FALEC: variants seen among roughly 807,000 people sequenced by gnomAD.
The protein encoded by FALEC is focally amplified lncRNA regulator of ECM1, also known as focally amplified lncRNA on chromosome 1.
At chr1:150,529,157 C>G in the FALEC span, among the ~76,000 whole-genome samples, 1 of 151,630 alleles carries the variant, frequency 6.6e-6, no homozygotes, top group Non-Finnish European at 1.5e-5. Context: ...CTTAATGAAT[C>G]ATTAAAGAAG....
downstream of FALEC, among the ~76,000 whole-genome samples, chr1:150,520,811 G>C (rs1387061504): frequency 9.5e-5 from 1 of 10,554 alleles, no homozygotes; most frequent in Non-Finnish European, 2.0e-4. Flanking sequence ...TTTTTTTTTT[G>C]AGACAGGGTT....
chr1:150,522,922 T>C (rs957786886), downstream of FALEC, among the ~76,000 whole-genome samples: 2 of 100,212 alleles, frequency 2.0e-5, no homozygotes, highest in Non-Finnish European at 3.9e-5. Context: ...TACATATATA[T>C]ATACATATAT....
the FALEC span, among the ~76,000 whole-genome samples, chr1:150,527,895 G>T: frequency 6.6e-6 from 1 of 152,092 alleles, no homozygotes; most frequent in African/African-American, 2.4e-5. Context: ...GTTTTCATTG[G>T]TAGGAGGACT....
the FALEC span, among the ~76,000 whole-genome samples, chr1:150,528,046 A>G: frequency 1.3e-5 from 2 of 152,064 alleles, no homozygotes; most frequent in African/African-American, 4.8e-5. Flanking sequence ...GGTCTAAGTC[A>G]ATCATGGTAA....
downstream of FALEC, among the ~76,000 whole-genome samples, chr1:150,522,074 G>A (rs957458122): frequency 3.9e-5 from 6 of 151,974 alleles, no homozygotes; most frequent in South Asian, 2.1e-4. Flanking sequence ...GTGAAACCCC[G>A]TCTCTACTAA....
chr1:150,534,359 A>C, the FALEC span, among the ~76,000 whole-genome samples: 1 of 152,184 alleles, frequency 6.6e-6, no homozygotes, highest in Non-Finnish European at 1.5e-5. Flanking sequence ...AGCTCTTCTG[A>C]GCCCCGCACC....
At chr1:150,516,971 A>G (rs1395799579) in intron 1 of FALEC, among the ~76,000 whole-genome samples, 1 of 152,136 alleles carries the variant, frequency 6.6e-6, no homozygotes, top group Non-Finnish European at 1.5e-5. Flanking sequence ...GAGATCTTCC[A>G]GGAAGAGGAA....
At chr1:150,522,856 T>TACACAC (rs1670663072), downstream of FALEC, among the ~76,000 whole-genome samples, 4 of 116,852 alleles carry the variant, frequency 3.4e-5, no homozygotes, top group Admixed American at 1.8e-4. Context: ...TCTCTCTATA[T>TACACAC]ATATATATAC....
At chr1:150,518,924 C>T (rs1260491129), downstream of FALEC, among the ~76,000 whole-genome samples, 2 of 151,866 alleles carry the variant, frequency 1.3e-5, no homozygotes, top group Non-Finnish European at 2.9e-5. Flanking sequence ...GGTGTGGTGG[C>T]GTGCCTCTGT....
chr1:150,523,128 C>T, the FALEC span, among the ~76,000 whole-genome samples: 2 of 144,020 alleles, frequency 1.4e-5, no homozygotes, highest in Admixed American at 7.0e-5. Flanking sequence ...GCTGGGACTA[C>T]AGGCATGCAC....
downstream of FALEC, among the ~76,000 whole-genome samples, chr1:150,520,130 C>T (rs1670619142): frequency 6.6e-6 from 1 of 152,054 alleles, no homozygotes; most frequent in Non-Finnish European, 1.5e-5. Context: ...GCCTGGGCAA[C>T]AAAAAGTGAA....
the FALEC span, among the ~76,000 whole-genome samples, chr1:150,528,843 TC>T: frequency 6.6e-6 from 1 of 151,690 alleles, no homozygotes; most frequent in Non-Finnish European, 1.5e-5. Flanking sequence ...TGCTTCGGCC[TC>T]CCAAAGTGCT....
chr1:150,525,090 T>C, the FALEC span, among the ~76,000 whole-genome samples: 2 of 148,552 alleles, frequency 1.3e-5, no homozygotes, highest in African/African-American at 5.0e-5. Flanking sequence ...AGGTCAGGAG[T>C]TCGAGACCAG....
chr1:150,515,817 C>G lies in FALEC; in HGVS notation n.61C>G, dbSNP rs1333621233. 4 of 152,560 alleles carry G rather than the reference C, an allele frequency of 2.6e-5. No individual in the cohort carries two copies. The East Asian group carries it at 7.7e-4, about 29-fold the overall frequency. 9.5% of individuals were successfully genotyped at this position (152,560 alleles called of 1,614,324 possible). A position where few individuals can be genotyped will look rare whatever the true frequency, so the allele number is the denominator to read the frequency against. On this transcript the variant is annotated non_coding_transcript_exon_variant, in exon 1 of 2. Transcript: ENST00000416894. ...GGGGAGGCAGGGGGAAAAGGCCGGCCCAGCAATTCCCCTACCCCCCGGTCC... is the reference window on the plus strand; with the variant it reads ...GGGGAGGCAGGGGGAAAAGGCCGGCGCAGCAATTCCCCTACCCCCCGGTCC...
At chr1:150,519,526 G>T (rs1048223261), downstream of FALEC, among the ~76,000 whole-genome samples, 6 of 152,036 alleles carry the variant, frequency 3.9e-5, no homozygotes, top group African/African-American at 7.2e-5. Context: ...TTTGAGACCA[G>T]CCTGACCAAC....
At chr1:150,525,838 T>C in the FALEC span, among the ~76,000 whole-genome samples, 1 of 152,140 alleles carries the variant, frequency 6.6e-6, no homozygotes, top group Non-Finnish European at 1.5e-5. Flanking sequence ...GACAGAGGTC[T>C]TGCTGTATTG....
chr1:150,527,666 A>G, the FALEC span, among the ~76,000 whole-genome samples: 10 of 152,038 alleles, frequency 6.6e-5, no homozygotes, highest in Admixed American at 2.6e-4. Flanking sequence ...TGGGGCCAAT[A>G]TGGCGAAACC....
the FALEC span, among the ~76,000 whole-genome samples, chr1:150,523,243 G>A: frequency 6.8e-6 from 1 of 147,428 alleles, no homozygotes; most frequent in African/African-American, 2.5e-5. Flanking sequence ...TCCGCCCACC[G>A]CAGCCTCCCA....
the FALEC span, among the ~76,000 whole-genome samples, chr1:150,527,604 T>A: frequency 6.6e-6 from 1 of 152,136 alleles, no homozygotes; most frequent in Non-Finnish European, 1.5e-5. Context: ...CACCAGAGGC[T>A]GGGCATGGTG....
Sources: gnomAD v4.1 joint callset for allele counts (sites outside exome capture counted in the v4.1 genomes callset) on GRCh38, gnomAD v4.1.1 for gene constraint, MANE v1.5 for transcripts, NCBI Gene and HGNC (gene_info 2026-07-23, HGNC 2026-07-21) for gene names.